The following WNK2 variants were observed in gnomAD, a reference collection of about 807,000 sequenced individuals.
The protein encoded by WNK2 is serine/threonine-protein kinase WNK2.
WNK2 carries 67 observed loss-of-function variants against 192.1 expected under a neutral mutation model. The ratio of observed to expected loss-of-function variants is 0.35; its 90% CI spans 0.29 to 0.43. WNK2 has a LOEUF of 0.43. Ranked by LOEUF, WNK2 falls within the 20% of genes least tolerant of loss-of-function variation. WNK2 has a pLI of 1.00. For missense variants in WNK2, 2,698 were observed against 3,089.7 expected, an observed-to-expected ratio of 0.87 and a Z score of 3.01; for synonymous variants, 1,439 against 1,393.9, an observed-to-expected ratio of 1.03 and a Z score of -0.72.
chr9:93,218,244 C>T (rs1836123686), intron 2 of WNK2, among the ~76,000 whole-genome samples: 1 of 152,188 alleles, frequency 6.6e-6, no homozygotes, highest in Non-Finnish European at 1.5e-5. Flanking sequence ...CCTGGGGTGC[C>T]CCGCCTGCCC....
intron 2 of WNK2, among the ~76,000 whole-genome samples, chr9:93,190,756 C>G (rs1450639894): frequency 1.3e-5 from 2 of 152,210 alleles, no homozygotes; most frequent in African/African-American, 4.8e-5. Flanking sequence ...CTTATTTTTC[C>G]TCACATTAAA....
At chr9:93,195,418 G>A in intron 2 of WNK2, among the ~76,000 whole-genome samples, 1 of 152,092 alleles carries the variant, frequency 6.6e-6, no homozygotes, top group Non-Finnish European at 1.5e-5. Flanking sequence ...GCAGAAATGG[G>A]CCAGGCGCGG....
chr9:93,236,064 T>G (rs933645122), intron 5 of WNK2, among the ~76,000 whole-genome samples: 3 of 152,178 alleles, frequency 2.0e-5, no homozygotes, highest in African/African-American at 2.4e-5. Context: ...GTGCACAGTT[T>G]TCCGTGGGTA....
rs1851155145 is a variant in WNK2, at chr9:93,299,202, C to G, written c.6056C>G (p.Ser2019Cys). ...QTQQPCSVRA[S>C]LSSDICSGLA... is the part of the protein sequence containing the mutation. ...CAGCAGCCCTGCTCCGTCCGGGCCT[C>G]CCTGTCTTCGGACATCTGCTCCGGC... The change falls in exon 25 of 30, where the codon TCC becomes TGC. Residue 2019 changes from serine (S) to cysteine (C), a missense_variant. Transcript: ENST00000427277. The G allele has an allele frequency of 6.3e-7, 1 of 1,599,344 alleles. No homozygotes were observed. The highest frequency in any genetic ancestry group is 1.3e-5 in the African/African-American group (1 of 74,634).
At chr9:93,187,859 C>CAGGGGCTGTGGG (rs1297949920) in intron 2 of WNK2, among the ~76,000 whole-genome samples, 1 of 151,842 alleles carries the variant, frequency 6.6e-6, no homozygotes, top group Non-Finnish European at 1.5e-5. Context: ...GCAGGGAGAT[C>CAGGGGCTGTGGG]AGGGGCTGTG....
In WNK2 at chr9:93,289,329, A is replaced by G; in HGVS notation, c.4575A>G (p.Pro1525=). 1 of 1,603,768 alleles carries G rather than the reference A, an allele frequency of 6.2e-7. No individual in the cohort carries two copies. The highest frequency in any genetic ancestry group is 1.3e-5 in the African/African-American group (1 of 74,798). The change falls in exon 20 of 30, where the codon CCA becomes CCG. Residue 1525 remains proline (P), a synonymous_variant. Coordinates refer to ENST00000427277, the MANE Select transcript of WNK2 (RefSeq NM_006648.4). ...PSPPLGPTVP[P]QPPSALESDG... is the part of the protein sequence containing the mutation. ...CACCCCTGGGGCCCACCGTCCCCCCACAGCCACCCTCGGCCCTGGAGTCGG... is the reference window on the plus strand; with the variant it reads ...CACCCCTGGGGCCCACCGTCCCCCCGCAGCCACCCTCGGCCCTGGAGTCGG...
intron 2 of WNK2, among the ~76,000 whole-genome samples, chr9:93,189,346 G>A (rs896895743): frequency 6.6e-6 from 1 of 152,156 alleles, no homozygotes; most frequent in African/African-American, 2.4e-5. Flanking sequence ...CTACTTCATA[G>A]AGACGTACAT....
intron 7 of WNK2, among the ~76,000 whole-genome samples, chr9:93,242,155 A>G (rs1354832653): frequency 1.1e-4 from 16 of 152,160 alleles, no homozygotes; most frequent in Non-Finnish European, 8.8e-5. Context: ...GGGCTGTGAT[A>G]GCACAGTGAG....
chr9:93,303,050 C>T (rs1013648319), intron 26 of WNK2, among the ~76,000 whole-genome samples: 2 of 152,220 alleles, frequency 1.3e-5, no homozygotes, highest in East Asian at 3.8e-4. Context: ...TCCCAAGTAG[C>T]TGGGACCACA....
At position 93,220,669 on chromosome 9, in the gene WNK2, C is replaced by A. The variant is rs115040115; in HGVS notation, c.682-9027C>A. 3.9e-3 allele frequency among the ~76,000 whole-genome samples: 595 copies of A among 152,308 alleles called. 10 individuals carry two copies. The highest frequency in any genetic ancestry group is 0.014 in the African/African-American group (573 of 41,572). On this transcript the variant is annotated intron_variant, in intron 2 of 29. Coordinates refer to ENST00000427277, the MANE Select transcript of WNK2 (RefSeq NM_006648.4). ...GGAGGGGGCTGGGGGCTGTCCAGCC[C>A]TGGTGAGGTTCCTGTTGGAAGGAAG...
rs1840383337 is a variant in WNK2 at position 93,239,508 on chromosome 9, A to T, written c.1323-249A>T. 6.6e-6 allele frequency among the ~76,000 whole-genome samples: 1 copy of T among 152,126 alleles called. No homozygotes were observed. The highest frequency in any genetic ancestry group is 2.1e-4 in the South Asian group (1 of 4,828). On this transcript the variant is annotated intron_variant, in intron 6 of 29. Coordinates refer to ENST00000427277, the MANE Select transcript of WNK2 (RefSeq NM_006648.4). This position sits in a 1 kb window ranked among gnomAD's most constrained non-coding sequence, Gnocchi z 4.2. ...TTCCAAATCCTCTTTTGTATCATTG[A>T]ATCTTTTATGAGCATGTTTTTTTTT... is the stretch of plus-strand genomic sequence containing the variant.
intron 12 of WNK2, among the ~76,000 whole-genome samples, chr9:93,260,161 G>A (rs772017333): frequency 3.3e-5 from 5 of 152,198 alleles, no homozygotes; most frequent in Non-Finnish European, 7.4e-5. Flanking sequence ...CCTCGTGGCA[G>A]CATGCTGGCT....
intron 12 of WNK2, among the ~76,000 whole-genome samples, chr9:93,260,471 C>T (rs908574171): frequency 3.9e-5 from 6 of 152,178 alleles, no homozygotes; most frequent in African/African-American, 1.4e-4. Context: ...GTAACTGTGG[C>T]ACAGCCCTGC....
chr9:93,289,974 C>A lies in WNK2; in HGVS notation c.4867-4C>A. ...CTCTTCTCTTTTTGTGTTTCTTTCTCCAGGTGGAGAAGTCAGAACTGGCCC... is the reference window on the plus strand; with the variant it reads ...CTCTTCTCTTTTTGTGTTTCTTTCTACAGGTGGAGAAGTCAGAACTGGCCC... On this transcript the variant is annotated splice_region_variant and splice_polypyrimidine_tract_variant and intron_variant, in intron 20 of 29. Transcript: ENST00000427277. The A allele has an allele frequency of 6.4e-7, 1 of 1,565,044 alleles. No individual in the cohort carries two copies. Among genetic ancestry groups the A allele is most frequent in the Admixed American group, 1.9e-5 (1 of 53,274 alleles).
chr9:93,295,822 C>T (rs757813820), intron 23 of WNK2, among the ~76,000 whole-genome samples: 1 of 147,444 alleles, frequency 6.8e-6, no homozygotes, highest in Non-Finnish European at 1.5e-5. Flanking sequence ...TTCCTCCCCT[C>T]TCCATCCTCA....
Position 93,257,455 on chromosome 9 carries a change from C to A in WNK2, c.2382+316C>A, listed in dbSNP as rs1196470627. Among the ~76,000 whole-genome samples, 1 of 152,234 alleles carries A rather than the reference C, an allele frequency of 6.6e-6. No individual in the cohort carries two copies. The highest frequency in any genetic ancestry group is 2.4e-5 in the African/African-American group (1 of 41,466). ...TGCTCTTGGTCCTTCCAGGCCATGA[C>A]CTCCCTGGGGTCCTTCAGGGAGGGC... is the stretch of plus-strand genomic sequence containing the variant. On this transcript the variant is annotated intron_variant, in intron 11 of 29. Transcript: ENST00000427277. This position sits in a 1 kb window ranked among gnomAD's most constrained non-coding sequence, Gnocchi z 4.7.
At chr9:93,205,876 C>T (rs1243099544) in intron 2 of WNK2, among the ~76,000 whole-genome samples, 1 of 152,082 alleles carries the variant, frequency 6.6e-6, no homozygotes, top group East Asian at 1.9e-4. Flanking sequence ...GCCTCTGGGC[C>T]AGTGGGTCTC....
chr9:93,228,668 C>T (rs940473310), intron 2 of WNK2, among the ~76,000 whole-genome samples: 1 of 152,140 alleles, frequency 6.6e-6, no homozygotes, highest in Non-Finnish European at 1.5e-5. Flanking sequence ...GAGGCCTTGG[C>T]TGGGCCTTTG....
At chr9:93,308,067 G>T in intron 27 of WNK2, 1 of 595,352 alleles carries the variant, frequency 1.7e-6, no homozygotes, top group Non-Finnish European at 2.8e-6. Context: ...AGCAGAGGCT[G>T]CCGGCTGCTG....
Sources: allele counts gnomAD v4.1 joint callset (sites outside exome capture counted in the v4.1 genomes callset), GRCh38; gene constraint gnomAD v4.1.1; non-coding constraint Gnocchi (gnomAD v3.1); transcripts MANE v1.5; gene names NCBI Gene and HGNC (gene_info 2026-07-23, HGNC 2026-07-21).